Variants in C19orf44 observed in about 807,000 individuals in gnomAD.
C19orf44 encodes uncharacterized protein C19orf44.
A neutral mutation model predicts 50.7 loss-of-function variants in C19orf44; 43 were observed. That is an observed-to-expected ratio of 0.85 (90% CI 0.66 to 1.09). The LOEUF is 1.09. Among genes scored for constraint, C19orf44 ranks in the 50% least tolerant of loss-of-function variants. The probability of loss-of-function intolerance (pLI) is 0.00; values close to 1 mark genes in which losing one functional copy is unlikely to be tolerated. For missense variants in C19orf44, 722 were observed against 836.2 expected (o/e 0.86, Z 1.68); for synonymous variants, 298 against 334.7 (o/e 0.89, Z 1.20).
At chr19:16,511,853 A>G (rs2093458077) in intron 5 of C19orf44, among the ~76,000 whole-genome samples, 1 of 152,020 alleles carries the variant, frequency 6.6e-6, no homozygotes, top group South Asian at 2.1e-4. Context: ...CGTCTCTACT[A>G]AAAATACAAA....
At chr19:16,514,741 G>A (rs2093467211) in intron 7 of C19orf44, 78 bp downstream of exon 7, 2 of 1,411,260 alleles carry the variant, frequency 1.4e-6, no homozygotes, top group African/African-American at 2.9e-5. Flanking sequence ...AAGGGATATG[G>A]GCCGGGGCCT....
At chr19:16,502,005 G>T (rs2093426948) in intron 2 of C19orf44, among the ~76,000 whole-genome samples, 1 of 150,246 alleles carries the variant, frequency 6.7e-6, no homozygotes, top group Non-Finnish European at 1.5e-5. Context: ...CACCTCCCAG[G>T]TTCAAGTGAT....
At chr19:16,501,891 G>A (rs374065344) in intron 2 of C19orf44, among the ~76,000 whole-genome samples, 19 of 143,148 alleles carry the variant, frequency 1.3e-4, no homozygotes, top group Admixed American at 2.8e-4. Flanking sequence ...ATGCCCGGCC[G>A]GTGACTGGCT....
rs146853121 is a variant in C19orf44 at position 16,517,768 on chromosome 19, C to T, written c.*40+427C>T. 4.0e-3 allele frequency: 679 copies of T among 168,522 alleles called. 5 individuals are homozygous for T. The highest frequency in any genetic ancestry group is 0.012 in the African/African-American group (509 of 40,932). 10.4% of individuals were successfully genotyped at this position (168,522 alleles called of 1,614,324 possible). A position where few individuals can be genotyped will look rare whatever the true frequency, so the allele number is the denominator to read the frequency against. On this transcript the variant is annotated intron_variant, in intron 8 of 8. Transcript: ENST00000221671. ...GTAAGGACATGGGACCAGGTCAGCA[C>T]GCTGGGGACGCCATGTGAGCCCCTG...
rs760516331 is a variant in C19orf44 at position 16,520,402 on chromosome 19, C to T, written c.*349C>T. ...GGGAGTAGGAACGGGAGCAGGAGCG[C>T]GACCTTGACCTTGAGTACGAGCCTG... On this transcript the variant is annotated 3_prime_UTR_variant, in exon 9 of 9. Transcript: ENST00000221671. This position sits in a 1 kb window ranked among gnomAD's most constrained non-coding sequence, Gnocchi z 4.0. 1.9e-5 allele frequency: 30 copies of T among 1,613,916 alleles called. No individual in the cohort carries two copies. The highest frequency in any genetic ancestry group is 3.3e-5 in the South Asian group (3 of 91,084).
chr19:16,520,723 G>T lies in C19orf44; in HGVS notation c.*670G>T. 7.9e-7 allele frequency: 1 copy of T among 1,258,074 alleles called. No homozygotes were observed. Among genetic ancestry groups the T allele is most frequent in the Non-Finnish European group, 1.2e-6 (1 of 866,268 alleles). The allele number at this position is 1,258,074 out of a possible 1,614,324, so 77.9% of individuals were successfully genotyped here. On this transcript the variant is annotated 3_prime_UTR_variant, in exon 9 of 9. Coordinates refer to ENST00000221671, the MANE Select transcript of C19orf44 (RefSeq NM_032207.4). This position sits in a 1 kb window ranked among gnomAD's most constrained non-coding sequence, Gnocchi z 4.0. ...GGAAAACACCGCCCCATAGGCACAG[G>T]CTGTGTGAGGGTGGACGTGATGAGT...
rs753839919 is a variant in C19orf44 at position 16,503,144 on chromosome 19, C to T, written c.839C>T (p.Pro280Leu). 6 of 1,614,034 alleles carry T rather than the reference C, an allele frequency of 3.7e-6. No homozygotes were observed. Among genetic ancestry groups the T allele is most frequent in the Non-Finnish European group, 5.1e-6 (6 of 1,180,032 alleles). Residue 280 changes from proline to leucine, a missense_variant, in exon 3 of 9, where the codon CCA becomes CTA. Transcript: ENST00000221671. ...AAGCCTTCTCAGACATCACACCTGC[C>T]AACCTCCCTGGCAGCAGACAGAACC... ...SAKPSQTSHLPTSLAADRTLH... is the reference protein window; with the variant it reads ...SAKPSQTSHLLTSLAADRTLH...
Position 16,514,585 on chromosome 19 carries a change from C to G in C19orf44, c.1824C>G (p.Ser608Arg), listed in dbSNP as rs774849995. The change falls in exon 7 of 9, where the codon AGC becomes AGG. Residue 608 changes from serine (S) to arginine (R), a missense_variant. Ser to Arg is a moderately radical substitution (Grantham distance 110). Transcript: ENST00000221671. ...LSLTQQFIQASRHLHASLLRS... is the reference protein window; with the variant it reads ...LSLTQQFIQARRHLHASLLRS... The stretch of plus-strand genomic sequence containing the variant: ...TGACGCAGCAGTTCATCCAGGCCAG[C>G]CGGCACCTGCACGCCTCCCTCCTGC... 33 of 1,608,090 alleles carry G rather than the reference C, an allele frequency of 2.1e-5. No individual in the cohort carries two copies. The highest frequency in any genetic ancestry group is 2.7e-5 in the African/African-American group (2 of 74,862).
chr19:16,513,151 A>G, intron 6 of C19orf44, 42 bp downstream of exon 6: 1 of 1,592,476 alleles, frequency 6.3e-7, no homozygotes, highest in Non-Finnish European at 8.6e-7. Flanking sequence ...CACATTTTAC[A>G]GGACTCATTT....
chr19:16,510,377 G>GGGT (rs1363566294), intron 5 of C19orf44, among the ~76,000 whole-genome samples: 3 of 152,078 alleles, frequency 2.0e-5, no homozygotes, highest in Non-Finnish European at 4.4e-5. Context: ...CTCCAGCCTG[G>GGGT]GTGACAGAAT....
chr19:16,507,213 G>A (rs916750613), intron 4 of C19orf44, among the ~76,000 whole-genome samples: 1 of 152,156 alleles, frequency 6.6e-6, no homozygotes, highest in African/African-American at 2.4e-5. Flanking sequence ...TGTCAAGAGT[G>A]CAGTAGGTGA....
chr19:16,507,174 C>G (rs1283837976), intron 4 of C19orf44, among the ~76,000 whole-genome samples: 1 of 152,176 alleles, frequency 6.6e-6, no homozygotes, highest in Non-Finnish European at 1.5e-5. Flanking sequence ...CGGGTGGCCC[C>G]CAGCTGCCAA....
At position 16,519,899 on chromosome 19, in the gene C19orf44, G is replaced by T; in HGVS notation, c.*41-195G>T. On this transcript the variant is annotated intron_variant, in intron 8 of 8. Coordinates refer to ENST00000221671, the MANE Select transcript of C19orf44 (RefSeq NM_032207.4). This position sits in a 1 kb window ranked among gnomAD's most constrained non-coding sequence, Gnocchi z 6.0. ...CTAGATAAGGGGGCTCCAGACGCTG[G>T]CCCCCACCCCACGCTCAGCATTGAG... 1.5e-6 allele frequency: 1 copy of T among 670,916 alleles called. No homozygotes were observed. Among genetic ancestry groups the T allele is most frequent in the South Asian group, 1.8e-5 (1 of 57,128 alleles). 41.6% of individuals were successfully genotyped at this position (670,916 alleles called of 1,614,324 possible). A position where few individuals can be genotyped will look rare whatever the true frequency, so the allele number is the denominator to read the frequency against.
chr19:16,501,110 T>G lies in C19orf44; in HGVS notation c.318T>G (p.Asn106Lys). The G allele has an allele frequency of 6.2e-7, 1 of 1,614,048 alleles. No homozygotes were observed. The highest frequency in any genetic ancestry group is 8.5e-7 in the Non-Finnish European group (1 of 1,180,028). Reference sequence around the variant, plus strand: ...CCCAGCTGGAAACCCGGATCATGAATCGGAAGCTGCAGAGGAATTTGTCTG... The same window carrying G: ...CCCAGCTGGAAACCCGGATCATGAAGCGGAAGCTGCAGAGGAATTTGTCTG... ...KLAQLETRIM[N>K]RKLQRNLSDT... The change falls in exon 2 of 9, where the codon AAT becomes AAG. Residue 106 changes from asparagine to lysine, a missense_variant. Physicochemically the swap from Asn to Lys is moderately conservative, Grantham distance 94. Coordinates refer to ENST00000221671, the MANE Select transcript of C19orf44 (RefSeq NM_032207.4).
At chr19:16,507,612 C>T (rs1488062054) in intron 4 of C19orf44, among the ~76,000 whole-genome samples, 2 of 151,012 alleles carry the variant, frequency 1.3e-5, no homozygotes, top group African/African-American at 2.4e-5. Context: ...CTGCCTCTGC[C>T]TCCCAAGTAG....
Position 16,509,684 on chromosome 19 carries a change from G to T in C19orf44, c.1335G>T (p.Gln445His), listed in dbSNP as rs1386288336. 1.2e-6 allele frequency: 2 copies of T among 1,614,242 alleles called. No individual in the cohort carries two copies. The highest frequency in any genetic ancestry group is 1.3e-5 in the African/African-American group (1 of 75,058). ...GTGCCAGCTCGGCTTCTGCCATCCAGCAGGACAGCACTTCCAGCATGCAGC... is the reference window on the plus strand; with the variant it reads ...GTGCCAGCTCGGCTTCTGCCATCCATCAGGACAGCACTTCCAGCATGCAGC... The part of the protein sequence containing the change: ...HLSASSASAI[Q>H]QDSTSSMQPP... Residue 445 changes from glutamine (Q) to histidine (H), a missense_variant, in exon 5 of 9, where the codon CAG (glutamine) becomes CAT (histidine). Physicochemically the swap from Gln to His is conservative, Grantham distance 24 (BLOSUM62 0). Coordinates refer to ENST00000221671, the MANE Select transcript of C19orf44 (RefSeq NM_032207.4).
chr19:16,506,860 G>C (rs1568495144), intron 4 of C19orf44, 86 bp downstream of exon 4: 1 of 984,212 alleles, frequency 1.0e-6, no homozygotes. Flanking sequence ...TTTAAAAATT[G>C]AGGCAGGGTC....
At position 16,519,244 on chromosome 19, in the gene C19orf44, G is replaced by GCCACGC. The variant is rs2085582786; in HGVS notation, c.*41-842_*41-837dup. ...GTAGTTCTCATAGGGGTCATCCAGA[G>GCCACGC]CCACGCCCACGCCTTTATACTGGTC... On this transcript the variant is annotated intron_variant, in intron 8 of 8. Coordinates refer to ENST00000221671, the MANE Select transcript of C19orf44 (RefSeq NM_032207.4). This position sits in a 1 kb window ranked among gnomAD's most constrained non-coding sequence, Gnocchi z 6.0. 6.2e-7 allele frequency: 1 copy of GCCACGC among 1,613,964 alleles called. No individual in the cohort carries two copies.
In C19orf44 at chr19:16,520,081, T is replaced by G; in HGVS notation, c.*41-13T>G. 1 of 1,500,180 alleles carries G rather than the reference T, an allele frequency of 6.7e-7. No individual in the cohort carries two copies. The highest frequency in any genetic ancestry group is 1.2e-5 in the South Asian group (1 of 86,862). The allele number at this position is 1,500,180 out of a possible 1,614,324, so 92.9% of individuals were successfully genotyped here. ...ACACAGTCTCCTAACCACCAATGTT[T>G]CCACATTCACAGCAAAGCACCGCAG... On this transcript the variant is annotated splice_polypyrimidine_tract_variant and intron_variant, in intron 8 of 8. Transcript: ENST00000221671. The surrounding 1 kb of genome is among the most constrained non-coding windows in gnomAD (Gnocchi z 4.0).
Sources: gnomAD v4.1 joint callset for allele counts (sites outside exome capture counted in the v4.1 genomes callset) on GRCh38, gnomAD v4.1.1 for gene constraint, Gnocchi (gnomAD v3.1) non-coding constraint, MANE v1.5 for transcripts, NCBI Gene and HGNC (gene_info 2026-07-23, HGNC 2026-07-21) for gene names.